Variants in HNRNPH1 observed in about 807,000 individuals in gnomAD.
The protein encoded by HNRNPH1 is heterogeneous nuclear ribonucleoprotein H.
A neutral mutation model predicts 58.6 loss-of-function variants in HNRNPH1; 4 were observed. The observed-to-expected ratio is 0.07, with a 90% CI of 0.03 to 0.16. The LOEUF is 0.16. Ranked by LOEUF, HNRNPH1 falls within the 10% of genes least tolerant of loss-of-function variation. HNRNPH1 has a pLI of 1.00. For missense variants in HNRNPH1, 271 were observed against 564.2 expected (o/e 0.48, Z 5.26); for synonymous variants, 192 against 189.2 (o/e 1.01, Z -0.12).
upstream of HNRNPH1, among the ~76,000 whole-genome samples, chr5:179,627,287 G>A (rs1307273302): frequency 2.0e-5 from 3 of 151,878 alleles, no homozygotes; most frequent in South Asian, 2.1e-4. Context: ...GAACTCCTGG[G>A]CTCAAGCCAT....
At position 179,619,265 on chromosome 5, in the gene HNRNPH1, C is replaced by T. The variant is rs978607482; in HGVS notation, c.536+4G>A. 1 of 1,605,612 alleles carries T rather than the reference C, an allele frequency of 6.2e-7. No individual in the cohort carries two copies. The highest frequency in any genetic ancestry group is 8.5e-7 in the Non-Finnish European group (1 of 1,176,002). On this transcript the variant is annotated splice_donor_region_variant and intron_variant, in intron 4 of 12. Coordinates refer to ENST00000356731, the Ensembl canonical transcript of HNRNPH1. ...GACATATCCAACCAACCATCCATCCCCACCTGTGCCCTATTCTTTCCTTGT... is the reference window on the plus strand; with the variant it reads ...GACATATCCAACCAACCATCCATCCTCACCTGTGCCCTATTCTTTCCTTGT...
At chr5:179,622,326 T>C (rs1011150952) in intron 1 of HNRNPH1, among the ~76,000 whole-genome samples, 2 of 152,236 alleles carry the variant, frequency 1.3e-5, no homozygotes, top group Non-Finnish European at 2.9e-5. Flanking sequence ...CTTCAAGATA[T>C]TGCAAAACAT....
chr5:179,621,278 T>C, exon 2 of HNRNPH1: 1 of 1,614,110 alleles, frequency 6.2e-7, no homozygotes, highest in Non-Finnish European at 8.5e-7. Context: ...TCTCTGTCTT[T>C]TTTCAGGGCC....
chr5:179,631,034 G>A (rs1204821607), intron 2 of HNRNPH1, among the ~76,000 whole-genome samples: 3 of 151,974 alleles, frequency 2.0e-5, no homozygotes, highest in Non-Finnish European at 4.4e-5. Flanking sequence ...GATTGTTCAT[G>A]GCAGCATGAA....
chr5:179,630,278 G>A (rs774923364), intron 2 of HNRNPH1, among the ~76,000 whole-genome samples: 3 of 152,124 alleles, frequency 2.0e-5, no homozygotes, highest in African/African-American at 4.8e-5. Flanking sequence ...GAATGTGGGA[G>A]GCGGCGGTCG....
rs1207973189 is a variant in HNRNPH1, at chr5:179,615,665, AT to A, written c.1301-71del. On this transcript the variant is annotated intron_variant, in intron 11 of 12. Transcript: ENST00000356731. ...CATTCTTTAGACCAATTGAAAAAAA[AT>A]AAATAAAACCAATCCTAGGTTAACT... The A allele has an allele frequency of 9.9e-6, 8 of 807,412 alleles. No homozygotes were observed. The African/African-American group carries it at 1.1e-4, about 11-fold the overall frequency. The allele number at this position is 807,412 out of a possible 1,614,324, so 50.0% of individuals were successfully genotyped here.
chr5:179,623,143 C>A, exon 1 of HNRNPH1: 1 of 1,594,000 alleles, frequency 6.3e-7, no homozygotes, highest in African/African-American at 1.3e-5. Context: ...TCGTCTCTTA[C>A]GCGGTCCGGC....
upstream of HNRNPH1, among the ~76,000 whole-genome samples, chr5:179,627,507 CTT>C (rs879797533): frequency 1.9e-5 from 2 of 106,820 alleles, no homozygotes; most frequent in African/African-American, 3.3e-5. Context: ...TGATTTATGC[CTT>C]TTTTTTTTTT....
At chr5:179,622,272 GCTC>G (rs1772806811) in intron 1 of HNRNPH1, among the ~76,000 whole-genome samples, 1 of 152,162 alleles carries the variant, frequency 6.6e-6, no homozygotes, top group African/African-American at 2.4e-5. Context: ...TCCGAAGAAT[GCTC>G]CTTTTTAAGA....
intron 11 of HNRNPH1, 181 bp from the exon 13 acceptor site, chr5:179,615,776 A>G (rs1769247734): frequency 1.9e-6 from 1 of 516,880 alleles, no homozygotes; most frequent in East Asian, 3.1e-5. Context: ...ATGCTAACCA[A>G]AAGACAAAAA....
upstream of HNRNPH1, among the ~76,000 whole-genome samples, chr5:179,626,246 G>A (rs1181906619): frequency 6.6e-6 from 1 of 151,906 alleles, no homozygotes; most frequent in Non-Finnish European, 1.5e-5. Context: ...GGGATTACAG[G>A]TGTGTGCCAC....
upstream of HNRNPH1, among the ~76,000 whole-genome samples, chr5:179,628,040 C>G (rs1437775755): frequency 6.6e-6 from 1 of 151,986 alleles, no homozygotes; most frequent in Admixed American, 6.6e-5. Context: ...CCAGGTTGAT[C>G]TGGAACTCCG....
chr5:179,618,078 A>G lies in HNRNPH1; in HGVS notation c.716-18T>C, dbSNP rs374506740. The stretch of plus-strand genomic sequence containing the variant: ...TCCATAGCCTGAAAGACAAAGTACA[A>G]TCAATCAAATAAAACACCTAGACAA... On this transcript the variant is annotated intron_variant, in intron 5 of 12. Transcript: ENST00000356731. 3.5e-5 allele frequency: 56 copies of G among 1,613,076 alleles called. No homozygotes were observed. In the Admixed American group the frequency reaches 4.0e-4, roughly 12 times the overall value.
At chr5:179,620,709 G>C in intron 3 of HNRNPH1, 183 bp downstream of exon 4, 6 of 583,416 alleles carry the variant, frequency 1.0e-5, no homozygotes, top group South Asian at 8.9e-5. Flanking sequence ...CATTTTGGAA[G>C]TACTTCATTT....
intron 2 of HNRNPH1, among the ~76,000 whole-genome samples, chr5:179,633,461 ATTTTTTTTT>A (rs762139490): frequency 1.9e-4 from 20 of 102,586 alleles, no homozygotes; most frequent in East Asian, 1.1e-3. Context: ...CACCCGGCTA[ATTTTTTTTT>A]TTTTTTTTTT....
At chr5:179,621,520 T>A in intron 1 of HNRNPH1, 123 bp from the exon 3 acceptor site, 1 of 747,722 alleles carries the variant, frequency 1.3e-6, no homozygotes, top group Non-Finnish European at 2.2e-6. Flanking sequence ...CTATATATAC[T>A]GACCACGATA....
intron 1 of HNRNPH1, 138 bp downstream of exon 2, chr5:179,622,899 T>TCGCCAGCGGG (rs1554134616): frequency 7.4e-6 from 1 of 135,606 alleles, no homozygotes; most frequent in African/African-American, 2.8e-5. Flanking sequence ...CGCCCGCGCC[T>TCGCCAGCGGG]CGCCAGGGGG....
At chr5:179,615,986 C>G (rs1323762490) in intron 11 of HNRNPH1, 140 bp downstream of exon 12, 7 of 688,292 alleles carry the variant, frequency 1.0e-5, no homozygotes, top group Non-Finnish European at 1.8e-5. Context: ...CCGAAAGGAG[C>G]CTGCATCTTC....
upstream of HNRNPH1, among the ~76,000 whole-genome samples, chr5:179,628,847 G>A (rs992597283): frequency 1.3e-5 from 2 of 152,058 alleles, no homozygotes; most frequent in South Asian, 2.1e-4. Flanking sequence ...CGGGTGTGGT[G>A]GCATACGTCT....
Sources: allele counts gnomAD v4.1 joint callset (sites outside exome capture counted in the v4.1 genomes callset), GRCh38; gene constraint gnomAD v4.1.1; transcripts MANE v1.5; gene names NCBI Gene and HGNC (gene_info 2026-07-23, HGNC 2026-07-21).